Variants in NTM observed in about 807,000 individuals in gnomAD.
The protein encoded by NTM is neurotrimin, also known as IgLON family member 2.
In NTM, 13 loss-of-function variants were observed where a neutral mutation model predicts 42.1. The observed-to-expected ratio is 0.31, with a 90% CI of 0.20 to 0.49. NTM has a LOEUF of 0.49. Among genes scored for constraint, NTM ranks in the 20% least tolerant of loss-of-function variants. NTM has a pLI of 0.99. For missense variants in NTM, 373 were observed against 452.8 expected (o/e 0.82, Z 1.60); for synonymous variants, 187 against 179.2 (o/e 1.04, Z -0.35).
chr11:132,313,988 G>A lies in NTM; in HGVS notation c.783-564G>A, dbSNP rs1806994. On this transcript the variant is annotated intron_variant, in intron 6 of 8. Transcript: ENST00000683400. ...CAGAGTCCCCTGATGAGAAAAATGA[G>A]AAAATGATGATTTTTCTCCTCTTCA... Among the ~76,000 whole-genome samples, 3 of 152,136 alleles carry A rather than the reference G, an allele frequency of 2.0e-5. No homozygotes were observed. The South Asian group carries it at 6.2e-4, about 32-fold the overall frequency.
At chr11:131,577,665 G>A (rs1244599010) in intron 1 of NTM, among the ~76,000 whole-genome samples, 2 of 152,284 alleles carry the variant, frequency 1.3e-5, no homozygotes, top group East Asian at 1.9e-4. Context: ...CATATCCCGC[G>A]GTGGTGTCTG....
At chr11:132,261,130 C>G (rs527837372) in intron 4 of NTM, among the ~76,000 whole-genome samples, 3 of 152,256 alleles carry the variant, frequency 2.0e-5, no homozygotes, top group Non-Finnish European at 2.9e-5. Flanking sequence ...GTGCACTAAC[C>G]CAGTGTCTTC....
At chr11:132,005,038 A>T (rs2070441834) in intron 2 of NTM, among the ~76,000 whole-genome samples, 1 of 152,296 alleles carries the variant, frequency 6.6e-6, no homozygotes, top group African/African-American at 2.4e-5. Context: ...TGAAAACGTT[A>T]TAGTTGATGG....
At chr11:131,606,186 C>A (rs1331215680) in intron 1 of NTM, among the ~76,000 whole-genome samples, 1 of 151,932 alleles carries the variant, frequency 6.6e-6, no homozygotes, top group Non-Finnish European at 1.5e-5. Flanking sequence ...AGTGATTTAC[C>A]CACCTTCAGG....
chr11:131,765,069 T>C (rs1341512801), intron 1 of NTM, among the ~76,000 whole-genome samples: 1 of 152,148 alleles, frequency 6.6e-6, no homozygotes, highest in South Asian at 2.1e-4. Context: ...TTACACTGTG[T>C]ACTCCCTGCA....
At chr11:132,071,378 A>G (rs1172120595) in intron 2 of NTM, among the ~76,000 whole-genome samples, 1 of 151,600 alleles carries the variant, frequency 6.6e-6, no homozygotes, top group East Asian at 1.9e-4. Context: ...ACTGACCATC[A>G]CAGGTTAGTT....
chr11:132,206,088 T>C (rs2081952487), intron 3 of NTM, among the ~76,000 whole-genome samples: 1 of 152,226 alleles, frequency 6.6e-6, no homozygotes, highest in South Asian at 2.1e-4. Flanking sequence ...TTTCATCTTT[T>C]CAGAGCCAAC....
At chr11:131,431,558 A>T (rs1179414556) in intron 1 of NTM, among the ~76,000 whole-genome samples, 1 of 152,112 alleles carries the variant, frequency 6.6e-6, no homozygotes, top group South Asian at 2.1e-4. Flanking sequence ...GCTTCCCTCC[A>T]CAAGGAAGAA....
At chr11:131,504,578 C>T (rs2047252917) in intron 1 of NTM, among the ~76,000 whole-genome samples, 2 of 152,150 alleles carry the variant, frequency 1.3e-5, no homozygotes, top group South Asian at 2.1e-4. Flanking sequence ...GGTTCTCTCA[C>T]CCACAGATGG....
intron 4 of NTM, among the ~76,000 whole-genome samples, chr11:132,272,629 ATAC>A (rs1268237521): frequency 6.6e-6 from 1 of 152,096 alleles, no homozygotes; most frequent in African/African-American, 2.4e-5. Context: ...ATTCTTTTTG[ATAC>A]TACGGTAAAA....
chr11:131,991,430 A>G (rs1490833129), intron 2 of NTM, among the ~76,000 whole-genome samples: 1 of 152,102 alleles, frequency 6.6e-6, no homozygotes, highest in Non-Finnish European at 1.5e-5. Context: ...TTAAATGATT[A>G]CTTTAGTCTT....
intron 1 of NTM, among the ~76,000 whole-genome samples, chr11:131,884,312 G>C (rs1462643249): frequency 6.6e-6 from 1 of 152,162 alleles, no homozygotes; most frequent in Non-Finnish European, 1.5e-5. Context: ...GGGAGGCTGA[G>C]GCAGGAGAAT....
chr11:131,581,372 A>T (rs2058396652), intron 1 of NTM, among the ~76,000 whole-genome samples: 1 of 152,126 alleles, frequency 6.6e-6, no homozygotes, highest in Non-Finnish European at 1.5e-5. Flanking sequence ...CTTCAAGGAG[A>T]GGGAGGAAGT....
At chr11:131,832,042 G>A (rs1296828973) in intron 1 of NTM, among the ~76,000 whole-genome samples, 1 of 150,342 alleles carries the variant, frequency 6.7e-6, no homozygotes, top group Non-Finnish European at 1.5e-5. Context: ...TCCTACAGTG[G>A]AAGCTTTTTC....
intron 1 of NTM, among the ~76,000 whole-genome samples, chr11:131,693,201 G>T (rs1344912876): frequency 6.6e-6 from 1 of 152,080 alleles, no homozygotes; most frequent in Non-Finnish European, 1.5e-5. Context: ...TCAACACCCT[G>T]GGCAGGCTGA....
chr11:131,789,660 G>GA (rs1429167345), intron 1 of NTM, among the ~76,000 whole-genome samples: 10 of 134,626 alleles, frequency 7.4e-5, no homozygotes, highest in Non-Finnish European at 1.3e-4. Flanking sequence ...AGAAGAAGAA[G>GA]AAGAAGAAAG....
At chr11:131,911,330 C>G in intron 1 of NTM, 1 of 1,480,110 alleles carries the variant, frequency 6.8e-7, no homozygotes, top group African/African-American at 1.4e-5. Context: ...TCGGAGGAGT[C>G]TGCGCGCTTT....
chr11:132,036,084 G>A (rs1055732319), intron 2 of NTM, among the ~76,000 whole-genome samples: 2 of 152,098 alleles, frequency 1.3e-5, no homozygotes, highest in Non-Finnish European at 2.9e-5. Flanking sequence ...GGACACCAGT[G>A]ATCTCTTATC....
rs1193327358 is a variant in NTM at position 132,216,468 on chromosome 11, C to T, written c.526+4321C>T. Among the ~76,000 whole-genome samples, 5 of 152,208 alleles carry T rather than the reference C, an allele frequency of 3.3e-5. No homozygotes were observed. The South Asian group carries it at 1.0e-3, about 32-fold the overall frequency. On this transcript the variant is annotated intron_variant, in intron 4 of 8. Transcript: ENST00000683400. ...CTCCCATCTTGGGTGCACTTACCTT[C>T]ACCTTTCTGTCATCAAACAAGACAC...
Sources: allele counts gnomAD v4.1 joint callset (sites outside exome capture counted in the v4.1 genomes callset), GRCh38; gene constraint gnomAD v4.1.1; transcripts MANE v1.5; gene names NCBI Gene and HGNC (gene_info 2026-07-23, HGNC 2026-07-21).